PDHA1: variants seen among roughly 807,000 people sequenced by gnomAD.
PDHA1 encodes pyruvate dehydrogenase E1 component subunit alpha, somatic form, mitochondrial.
PDHA1 carries 1 observed loss-of-function variant against 33.0 expected under a neutral mutation model. The ratio of observed to expected loss-of-function variants is 0.03; its 90% CI spans 0.01 to 0.14. The LOEUF (loss-of-function observed/expected upper bound fraction) is 0.14, where lower values mean the gene tolerates loss of function less well. Among genes scored for constraint, PDHA1 ranks in the 10% least tolerant of loss-of-function variants. The probability of loss-of-function intolerance (pLI) is 1.00; values close to 1 mark genes in which losing one functional copy is unlikely to be tolerated. For synonymous variants in PDHA1, 123 were observed against 119.2 expected (o/e 1.03, Z -0.21); for missense variants, 168 against 325.1 (o/e 0.52, Z 3.72).
At chrX:19,345,753 C>G (rs186029731) in intron 1 of PDHA1, 37 of 268,404 alleles carry the variant, frequency 1.4e-4, no homozygotes, top group South Asian at 3.2e-4. Flanking sequence ...GGTCCCCCCC[C>G]CCCCGCCACC....
At chrX:19,351,778 ATTTG>A (rs1464984994) in intron 4 of PDHA1, among the ~76,000 whole-genome samples, 13 of 84,974 alleles carry the variant, frequency 1.5e-4, no homozygotes, top group Admixed American at 2.5e-4. Context: ...CCCCGTGACT[ATTTG>A]TTTGTTTTGG....
Position 19,361,346 on chromosome X carries a change from G to A in PDHA1, c.*1693G>A, listed in dbSNP as rs148399187. ...CTGTTTTGAGGCTCTTACCGTAGTCGAAGGTATCTTAGATCTTCCTTAGTG... is the reference window on the plus strand; with the variant it reads ...CTGTTTTGAGGCTCTTACCGTAGTCAAAGGTATCTTAGATCTTCCTTAGTG... On this transcript the variant is annotated 3_prime_UTR_variant, in exon 11 of 11. Coordinates refer to ENST00000422285, the MANE Select transcript of PDHA1 (RefSeq NM_000284.4). The A allele has an allele frequency of 2.1e-5, 25 of 1,200,709 alleles. No individual in the cohort carries two copies. The highest frequency in any genetic ancestry group is 1.5e-4 in the Admixed American group (7 of 45,573).
chrX:19,359,023 A>AGGTACAGTCACTTGTTCATG lies in PDHA1; in HGVS notation c.1008+1_1008+20dup, dbSNP rs756279537. The AGGTACAGTCACTTGTTCATG allele has an allele frequency of 8.9e-7, 1 of 1,117,682 alleles. No homozygotes were observed. The allele number at this position is 1,117,682 out of a possible 1,213,427, so 92.1% of individuals were successfully genotyped here. Reference sequence around the variant, plus strand: ...AATCTTGCCAGTGTGGAAGAACTAAAGGTACAGTCACTTGTTCATGGTGGT... The same window carrying AGGTACAGTCACTTGTTCATG: ...AATCTTGCCAGTGTGGAAGAACTAAAGGTACAGTCACTTGTTCATGGGTACAGTCACTTGTTCATGGTGGT... On this transcript the variant is annotated frameshift_variant and splice_region_variant, in exon 10 of 11. Coordinates refer to ENST00000422285, the MANE Select transcript of PDHA1 (RefSeq NM_000284.4). LOFTEE classifies it high-confidence loss of function.
rs2063113178 is a variant in PDHA1 at position 19,343,928 on chromosome X, G to T, written c.-110G>T. On this transcript the variant is annotated 5_prime_UTR_variant, in exon 1 of 11. Coordinates refer to ENST00000422285, the MANE Select transcript of PDHA1 (RefSeq NM_000284.4). Reference sequence around the variant, plus strand: ...GTTATTACGACTCTGTCACGCCGCGGTGCGACTGAGGCGTGGCGTCTGCTG... The same window carrying T: ...GTTATTACGACTCTGTCACGCCGCGTTGCGACTGAGGCGTGGCGTCTGCTG... 2 of 726,141 alleles carry T rather than the reference G, an allele frequency of 2.8e-6. No homozygotes were observed. The highest frequency in any genetic ancestry group is 2.5e-5 in the Admixed American group (1 of 39,537). The allele number at this position is 726,141 out of a possible 1,213,427, so 59.8% of individuals were successfully genotyped here. A position where few individuals can be genotyped will look rare whatever the true frequency, so the allele number is the denominator to read the frequency against.
rs1408875622 is a variant in PDHA1, at chrX:19,355,329, CT to C, written c.604-16del. 8.3e-7 allele frequency: 1 copy of C among 1,208,909 alleles called. No individual in the cohort carries two copies. On this transcript the variant is annotated intron_variant, in intron 6 of 10. Coordinates refer to ENST00000422285, the MANE Select transcript of PDHA1 (RefSeq NM_000284.4). Reference sequence around the variant, plus strand: ...TGGAGAAAGAAGCCAAATGAAACCCCTTTTCGTAACTACTTCCAGGGCCAGA... The same window carrying C: ...TGGAGAAAGAAGCCAAATGAAACCCCTTTCGTAACTACTTCCAGGGCCAGA...
At chrX:19,356,696 A>G (rs1264746601) in intron 8 of PDHA1, among the ~76,000 whole-genome samples, 1 of 89,480 alleles carries the variant, frequency 1.1e-5, no homozygotes, top group Non-Finnish European at 1.9e-5. Context: ...GTAGTTGTAG[A>G]ATGTGTGACT....
At chrX:19,355,327 C>T in intron 6 of PDHA1, 22 bp from the exon 7 acceptor site, 2 of 1,208,757 alleles carry the variant, frequency 1.7e-6, no homozygotes, top group Non-Finnish European at 2.2e-6. Context: ...CAAATGAAAC[C>T]CCTTTTCGTA....
In PDHA1 at chrX:19,360,870, T is replaced by G; in HGVS notation, c.*1217T>G. The G allele has an allele frequency of 9.4e-7, 1 of 1,064,218 alleles. No homozygotes were observed. Among genetic ancestry groups the G allele is most frequent in the Non-Finnish European group, 1.3e-6 (1 of 778,062 alleles). The allele number at this position is 1,064,218 out of a possible 1,213,427, so 87.7% of individuals were successfully genotyped here. ...ACACAGCTGTCTTCAGAGTCAGTGC[T>G]TCAAGCCAACAGAGCTTAAAACTGC... On this transcript the variant is annotated 3_prime_UTR_variant, in exon 11 of 11. Transcript: ENST00000422285.
chrX:19,346,402 G>C, intron 1 of PDHA1: 1 of 322,233 alleles, frequency 3.1e-6, no homozygotes, highest in African/African-American at 2.7e-5. Context: ...TGCAGCCTTA[G>C]CCTGCTGGGC....
rs1158350330 is a variant in PDHA1, at chrX:19,359,864, TTAAAA to T, written c.*214_*218del. The T allele has an allele frequency of 2.2e-6, 1 of 453,958 alleles. No homozygotes were observed. The highest frequency in any genetic ancestry group is 3.9e-6 in the Non-Finnish European group (1 of 256,531). 37.4% of individuals were successfully genotyped at this position (453,958 alleles called of 1,213,427 possible). On this transcript the variant is annotated 3_prime_UTR_variant, in exon 11 of 11. Coordinates refer to ENST00000422285, the MANE Select transcript of PDHA1 (RefSeq NM_000284.4). ...TGAGTGCTTAAAGATTATTTTTGAC[TTAAAA>T]TAGTATACTTTGAACAAATACTCTA...
chrX:19,358,393 A>T (rs1241673027), intron 9 of PDHA1, among the ~76,000 whole-genome samples: 1 of 111,951 alleles, frequency 8.9e-6, no homozygotes, highest in Non-Finnish European at 1.9e-5. Context: ...TGATATAGGC[A>T]TAAGATACAT....
intron 5 of PDHA1, 182 bp downstream of exon 5, chrX:19,353,355 C>G (rs2063175191): frequency 2.1e-6 from 1 of 484,157 alleles, no homozygotes; most frequent in Non-Finnish European, 3.7e-6. Flanking sequence ...CTGAAAAATT[C>G]CTGTCGCCTA....
At chrX:19,344,117 G>C (rs371902578) in intron 1 of PDHA1, 23 bp downstream of exon 1, 1 of 1,177,325 alleles carries the variant, frequency 8.5e-7, no homozygotes, top group Non-Finnish European at 1.1e-6. Context: ...GGGCGGGCCG[G>C]GATGGGGCGC....
chrX:19,349,232 C>G, intron 1 of PDHA1, 80 bp from the exon 2 acceptor site: 1 of 664,784 alleles, frequency 1.5e-6, no homozygotes, highest in Non-Finnish European at 2.5e-6. Flanking sequence ...TAACTTCATT[C>G]TGATAACTGA....
chrX:19,346,617 C>A lies in PDHA1; in HGVS notation c.57+2523C>A, dbSNP rs1008772574. 53 of 954,664 alleles carry A rather than the reference C, an allele frequency of 5.6e-5. No homozygotes were observed. The East Asian group carries it at 2.1e-3, about 38-fold the overall frequency. The allele number at this position is 954,664 out of a possible 1,213,427, so 78.7% of individuals were successfully genotyped here. ...GGGATTACTCTCACTCTCTTAAAAC[C>A]AGGCAGGTAGGGAGATTTATCTCAG... On this transcript the variant is annotated intron_variant, in intron 1 of 10. Transcript: ENST00000422285.
intron 5 of PDHA1, among the ~76,000 whole-genome samples, chrX:19,353,545 T>G (rs996155794): frequency 8.9e-6 from 1 of 111,780 alleles, no homozygotes; most frequent in Non-Finnish European, 1.9e-5. Context: ...TACAGTATGG[T>G]GTTCACATGA....
intron 8 of PDHA1, among the ~76,000 whole-genome samples, chrX:19,356,941 C>A (rs763615539): frequency 4.1e-4 from 46 of 111,828 alleles, no homozygotes; most frequent in Non-Finnish European, 7.0e-4. Flanking sequence ...AATGAGCGAG[C>A]CCAACTGTCC....
intron 1 of PDHA1, among the ~76,000 whole-genome samples, chrX:19,346,287 C>G (rs746306110): frequency 1.8e-5 from 2 of 111,444 alleles, no homozygotes; most frequent in African/African-American, 6.5e-5. Flanking sequence ...CCTCCCAAGA[C>G]GCTGTGTGTT....
chrX:19,348,282 C>A (rs891517304), intron 1 of PDHA1, among the ~76,000 whole-genome samples: 4 of 112,089 alleles, frequency 3.6e-5, no homozygotes, highest in African/African-American at 9.7e-5. Flanking sequence ...TTTCTCACCC[C>A]CCGCCTCCAA....
Sources: gnomAD v4.1 joint callset for allele counts (sites outside exome capture counted in the v4.1 genomes callset) on GRCh38, gnomAD v4.1.1 for gene constraint, MANE v1.5 for transcripts, NCBI Gene and HGNC (gene_info 2026-07-23, HGNC 2026-07-21) for gene names.